FAAP100: variants seen among roughly 807,000 people sequenced by gnomAD.
The protein encoded by FAAP100 is FA core complex associated protein 100.
In FAAP100, 46 loss-of-function variants were observed where a neutral mutation model predicts 65.8. That is an observed-to-expected ratio of 0.70 (90% CI 0.55 to 0.89). FAAP100 has a LOEUF of 0.89. FAAP100 is among the 40% of genes least tolerant of loss of function. The probability of loss-of-function intolerance (pLI) is 0.00; values close to 1 mark genes in which losing one functional copy is unlikely to be tolerated. For synonymous variants in FAAP100, 663 were observed against 555.1 expected (o/e 1.19, Z -2.73); for missense variants, 1,165 against 1,196.7 (o/e 0.97, Z 0.39).
chr17:81,549,400 G>C, intron 3 of FAAP100, 38 bp from the exon 4 acceptor site: 1 of 1,577,182 alleles, frequency 6.3e-7, no homozygotes. Flanking sequence ...TCAGCGGCTG[G>C]GAGGGGCAAG....
chr17:81,543,337 G>A (rs532780911), intron 7 of FAAP100, among the ~76,000 whole-genome samples: 29 of 152,308 alleles, frequency 1.9e-4, no homozygotes, highest in African/African-American at 7.0e-4. Flanking sequence ...AAGAAACTCC[G>A]GAACCGGTTT....
At chr17:81,552,405 G>A, upstream of FAAP100, 1 of 1,237,510 alleles carries the variant, frequency 8.1e-7, no homozygotes, top group Non-Finnish European at 1.0e-6. Context: ...CTTTACGGCA[G>A]CCCGCTGTGC....
At chr17:81,543,689 G>C (rs920836759) in intron 7 of FAAP100, among the ~76,000 whole-genome samples, 1 of 152,150 alleles carries the variant, frequency 6.6e-6, no homozygotes, top group African/African-American at 2.4e-5. Context: ...AGGAAACCTT[G>C]GGCTGACCTC....
At position 81,552,148 on chromosome 17, in the gene FAAP100, C is replaced by A; in HGVS notation, c.165+18G>T. On this transcript the variant is annotated intron_variant, in intron 1 of 8. Transcript: ENST00000327787. Reference sequence around the variant, plus strand: ...CGCCCCCGCCCGGTCCCTCCCGCCCCCGCGGGCCGGCGCTCACGGTCAGCA... The same window carrying A: ...CGCCCCCGCCCGGTCCCTCCCGCCCACGCGGGCCGGCGCTCACGGTCAGCA... 1 of 1,488,798 alleles carries A rather than the reference C, an allele frequency of 6.7e-7. No individual in the cohort carries two copies. The highest frequency in any genetic ancestry group is 8.9e-7 in the Non-Finnish European group (1 of 1,127,132). The allele number at this position is 1,488,798 out of a possible 1,614,324, so 92.2% of individuals were successfully genotyped here.
In FAAP100 at chr17:81,540,657, C is replaced by T. The variant is rs1398211729; in HGVS notation, c.*162G>A. 1.0e-6 allele frequency: 1 copy of T among 970,164 alleles called. No individual in the cohort carries two copies. Among genetic ancestry groups the T allele is most frequent in the Non-Finnish European group, 1.4e-6 (1 of 708,178 alleles). 60.1% of individuals were successfully genotyped at this position (970,164 alleles called of 1,614,324 possible). On this transcript the variant is annotated 3_prime_UTR_variant, in exon 9 of 9. Transcript: ENST00000327787. ...TCAGAATCTGCTTTGTGCTCCACGG[C>T]CTCCAAGCACTTTCATGAGCGTTCT...
chr17:81,544,165 C>T (rs761809524), intron 6 of FAAP100, 45 bp from the exon 7 acceptor site: 3 of 1,507,912 alleles, frequency 2.0e-6, no homozygotes, highest in African/African-American at 2.7e-5. Flanking sequence ...GGCACTCCCA[C>T]CTGCCCGGGG....
In FAAP100 at chr17:81,540,078, C is replaced by G. The variant is rs374694419; in HGVS notation, c.*741G>C. On this transcript the variant is annotated 3_prime_UTR_variant, in exon 9 of 9. Transcript: ENST00000327787. ...CTGGGGGCTGGGGCTCAGGGCCCCC[C>G]CCCGGGCCACAGCGCCACCCTGAGT... The G allele has an allele frequency of 1.8e-3, 617 of 342,006 alleles. 5 individuals are homozygous for G. Among genetic ancestry groups the G allele is most frequent in the African/African-American group, 0.014 (536 of 38,116 alleles). 21.2% of individuals were successfully genotyped at this position (342,006 alleles called of 1,614,324 possible). A position where few individuals can be genotyped will look rare whatever the true frequency, so the allele number is the denominator to read the frequency against.
At chr17:81,551,737 A>G (rs1389961821) in intron 2 of FAAP100, 191 bp downstream of exon 2, 17 of 1,355,534 alleles carry the variant, frequency 1.3e-5, no homozygotes, top group Non-Finnish European at 1.6e-5. Context: ...CTTACTAAGG[A>G]CTGTGAGCAA....
chr17:81,547,950 T>C (rs1335733233), intron 4 of FAAP100: 1 of 703,816 alleles, frequency 1.4e-6, no homozygotes, highest in Non-Finnish European at 2.6e-6. Flanking sequence ...AAGCTGGTGC[T>C]CCGGGGACCT....
intron 6 of FAAP100, among the ~76,000 whole-genome samples, chr17:81,545,316 T>A (rs1215002072): frequency 1.3e-5 from 2 of 152,264 alleles, no homozygotes; most frequent in East Asian, 1.9e-4. Flanking sequence ...CAGTCCTGAG[T>A]CTCTGGAAAG....
Position 81,552,346 on chromosome 17 carries a change from G to T in FAAP100, c.-16C>A, listed in dbSNP as rs1043314824. 6 of 1,357,348 alleles carry T rather than the reference G, an allele frequency of 4.4e-6. No individual in the cohort carries two copies. The highest frequency in any genetic ancestry group is 1.9e-6 in the Non-Finnish European group (2 of 1,065,400). 84.1% of individuals were successfully genotyped at this position (1,357,348 alleles called of 1,614,324 possible). A position where few individuals can be genotyped will look rare whatever the true frequency, so the allele number is the denominator to read the frequency against. ...CGCCGGCCATCGTGCGCGCGGGCCC[G>T]TCAGAGTGAGAAGCCCCGGCCGCGC... On this transcript the variant is annotated 5_prime_UTR_variant, in exon 1 of 9. Transcript: ENST00000327787.
In FAAP100 at chr17:81,551,170, G is replaced by C. The variant is rs1199284972; in HGVS notation, c.324C>G (p.Asp108Glu). The change falls in exon 3 of 9, where the codon GAC becomes GAG. Residue 108 changes from aspartate (D) to glutamate (E), a missense_variant. Asp to Glu is a conservative substitution (Grantham distance 45). Coordinates refer to ENST00000327787, the MANE Select transcript of FAAP100 (RefSeq NM_025161.6). ...GGATCACGGGGGAAGGCTGGTCACCGTCCTCGCTGTCCCTGTCATCCTGGC... is the reference window on the plus strand; with the variant it reads ...GGATCACGGGGGAAGGCTGGTCACCCTCCTCGCTGTCCCTGTCATCCTGGC... ...STSQDDRDSE[D>E]GDQPSPVIPV... The C allele has an allele frequency of 1.3e-6, 2 of 1,535,262 alleles. No individual in the cohort carries two copies. The highest frequency in any genetic ancestry group is 1.8e-6 in the Non-Finnish European group (2 of 1,136,238).
rs1228063499 is a variant in FAAP100 at position 81,540,783 on chromosome 17, GA to G, written c.*35del. 11 of 1,480,388 alleles carry G rather than the reference GA, an allele frequency of 7.4e-6. No individual in the cohort carries two copies. In the Admixed American group the frequency reaches 2.4e-4, roughly 33 times the overall value. 91.7% of individuals were successfully genotyped at this position (1,480,388 alleles called of 1,614,324 possible). On this transcript the variant is annotated 3_prime_UTR_variant, in exon 9 of 9. Transcript: ENST00000327787. ...CCTGGGGGGGCTGTGACAGAGGCTG[GA>G]AGCGTGGCCAGAGCCCAGGGGCAGG...
In FAAP100 at chr17:81,541,361, C is replaced by T. The variant is rs1382765899; in HGVS notation, c.2462G>A (p.Ser821Asn). 2.5e-6 allele frequency: 4 copies of T among 1,611,828 alleles called. No homozygotes were observed. Among genetic ancestry groups the T allele is most frequent in the Non-Finnish European group, 3.4e-6 (4 of 1,179,814 alleles). ...MVTEQATQGS[S>N]APDLRVQYLR... ...GTACTGCACACGGAGATCAGGAGCG[C>T]TGGAGCCCTGGGTGGCCTGCTCTGT... The change falls in exon 8 of 9, where the codon AGC becomes AAC. Residue 821 changes from serine (S) to asparagine (N), a missense_variant. Physicochemically the swap from Ser to Asn is conservative, Grantham distance 46. Transcript: ENST00000327787.
intron 4 of FAAP100, 85 bp from the exon 5 acceptor site, chr17:81,547,763 C>T (rs764611458): frequency 2.7e-5 from 40 of 1,493,030 alleles, no homozygotes; most frequent in Non-Finnish European, 3.2e-5. Flanking sequence ...TGGTAGGCAC[C>T]GAGCCTGGCT....
At chr17:81,544,427 CAGA>C (rs1457060733) in intron 6 of FAAP100, among the ~76,000 whole-genome samples, 3 of 152,202 alleles carry the variant, frequency 2.0e-5, no homozygotes, top group East Asian at 1.9e-4. Context: ...GGGCCTGCTC[CAGA>C]AGAAGGCCAC....
At chr17:81,549,463 C>T (rs576687517) in intron 3 of FAAP100, 101 bp from the exon 4 acceptor site, 13 of 1,403,514 alleles carry the variant, frequency 9.3e-6, no homozygotes, top group South Asian at 2.7e-5. Context: ...AGTTGGAAGA[C>T]GGCCAAGGCC....
At position 81,547,044 on chromosome 17, in the gene FAAP100, G is replaced by A. The variant is rs1356414905; in HGVS notation, c.2038C>T (p.Leu680=). 6.4e-7 allele frequency: 1 copy of A among 1,558,644 alleles called. No individual in the cohort carries two copies. Residue 680 remains leucine (L), a synonymous_variant, in exon 5 of 9, where the codon CTG becomes TTG. Transcript: ENST00000327787. ...GPTRDPVATF[L]ETCREPGSQP... ...CTGCCAGGCTCCCGACAAGTTTCCAGAAAAGTGGCCACAGGGTCTCGGGTG... is the reference window on the plus strand; with the variant it reads ...CTGCCAGGCTCCCGACAAGTTTCCAAAAAAGTGGCCACAGGGTCTCGGGTG...
At chr17:81,551,671 A>T in intron 2 of FAAP100, 2 of 1,300,274 alleles carry the variant, frequency 1.5e-6, no homozygotes, top group Non-Finnish European at 2.0e-6. Flanking sequence ...CCGGGCCACC[A>T]GGGCCCAAAG....
Sources: allele counts gnomAD v4.1 joint callset (sites outside exome capture counted in the v4.1 genomes callset), GRCh38; gene constraint gnomAD v4.1.1; transcripts MANE v1.5; gene names NCBI Gene and HGNC (gene_info 2026-07-23, HGNC 2026-07-21).